The following CDH2 variants were observed in gnomAD, a reference collection of about 807,000 sequenced individuals.
The protein encoded by CDH2 is cadherin-2.
CDH2 carries 17 observed loss-of-function variants against 92.0 expected under a neutral mutation model. The ratio of observed to expected loss-of-function variants is 0.18; its 90% CI spans 0.13 to 0.28. CDH2 has a LOEUF of 0.28. Among genes scored for constraint, CDH2 ranks in the 10% least tolerant of loss-of-function variants. CDH2 has a pLI of 1.00. For missense variants in CDH2, 862 were observed against 1,133.1 expected, an observed-to-expected ratio of 0.76 and a Z score of 3.44; for synonymous variants, 419 against 415.9, an observed-to-expected ratio of 1.01 and a Z score of -0.09.
intron 15 of CDH2, 109 bp downstream of exon 15, chr18:27,963,248 T>A (rs954661950): frequency 1.3e-5 from 11 of 876,780 alleles, no homozygotes; most frequent in Non-Finnish European, 1.8e-5. Flanking sequence ...AACACAAGTA[T>A]GTTTTAGTGA....
intron 1 of CDH2, among the ~76,000 whole-genome samples, chr18:28,171,985 T>A (rs560730290): frequency 4.6e-5 from 7 of 152,232 alleles, no homozygotes; most frequent in African/African-American, 1.7e-4. Flanking sequence ...CATAAAGTAA[T>A]CAATCAATTA....
intron 2 of CDH2, among the ~76,000 whole-genome samples, chr18:28,025,451 G>C (rs2013525252): frequency 6.6e-6 from 1 of 151,436 alleles, no homozygotes; most frequent in African/African-American, 2.4e-5. Flanking sequence ...CTGGGAGGTG[G>C]AGGTTGCAGT....
chr18:28,147,588 T>A, intron 2 of CDH2, 85 bp downstream of exon 2: 1 of 776,504 alleles, frequency 1.3e-6, no homozygotes, highest in South Asian at 1.7e-5. Flanking sequence ...TGTTATACAG[T>A]AGAAATGATT....
In CDH2 at chr18:27,951,104, A is replaced by T. The variant is rs4800836; in HGVS notation, c.*1049T>A. Reference sequence around the variant, plus strand: ...GCTTTTTTTTTTCCATTTTTTTTTTAAAAAAACACACACTTAGTAGTGCCA... The same window carrying T: ...GCTTTTTTTTTTCCATTTTTTTTTTTAAAAAACACACACTTAGTAGTGCCA... On this transcript the variant is annotated 3_prime_UTR_variant, in exon 16 of 16. Coordinates refer to ENST00000269141, the MANE Select transcript of CDH2 (RefSeq NM_001792.5). 10,950 of 149,320 alleles carry T rather than the reference A, an allele frequency of 0.073. 852 individuals carry two copies. The highest frequency in any genetic ancestry group is 0.4 in the East Asian group (2,031 of 5,032). 9.2% of individuals were successfully genotyped at this position (149,320 alleles called of 1,614,324 possible).
rs17522569 is a variant in CDH2 at position 28,016,048 on chromosome 18, A to C, written c.173-2139T>G. The stretch of plus-strand genomic sequence containing the variant: ...ACCAAAGCCCTAGGGCCAGGTCATC[A>C]CTTTGGGGGAAGAGTCGACCATGAT... On this transcript the variant is annotated intron_variant, in intron 2 of 15. Coordinates refer to ENST00000269141, the MANE Select transcript of CDH2 (RefSeq NM_001792.5). Among the ~76,000 whole-genome samples, 746 of 152,298 alleles carry C rather than the reference A, an allele frequency of 4.9e-3. 10 individuals are homozygous for C. Among genetic ancestry groups the C allele is most frequent in the African/African-American group, 0.017 (701 of 41,558 alleles).
intron 2 of CDH2, among the ~76,000 whole-genome samples, chr18:28,074,739 A>G (rs1322446629): frequency 6.0e-5 from 9 of 151,182 alleles, no homozygotes; most frequent in Non-Finnish European, 4.4e-5. Flanking sequence ...TTTGTTGAAC[A>G]GCTTTCTCCA....
At chr18:28,031,305 T>G (rs969770879) in intron 2 of CDH2, among the ~76,000 whole-genome samples, 2 of 151,876 alleles carry the variant, frequency 1.3e-5, no homozygotes, top group Admixed American at 1.3e-4. Flanking sequence ...TTCTAACAGC[T>G]CCACTTCCAA....
At position 28,011,870 on chromosome 18, in the gene CDH2, T is replaced by TC; in HGVS notation, c.521dup (p.Pro175ThrfsTer12). On this transcript the variant is annotated frameshift_variant, in exon 4 of 16. Transcript: ENST00000269141. LOFTEE classifies it high-confidence loss of function. The stretch of plus-strand genomic sequence containing the variant: ...CCCTGACAAGCTCTTGAGGAAAAGG[T>TC]CCCCTGGAGTTTTCTGGCAAGTTGA... 1 of 1,614,058 alleles carries TC rather than the reference T, an allele frequency of 6.2e-7. No individual in the cohort carries two copies. Among genetic ancestry groups the TC allele is most frequent in the South Asian group, 1.1e-5 (1 of 91,076 alleles).
intron 7 of CDH2, among the ~76,000 whole-genome samples, chr18:27,997,264 A>G (rs1040964989): frequency 3.3e-5 from 5 of 152,242 alleles, no homozygotes; most frequent in Non-Finnish European, 7.3e-5. Flanking sequence ...AGGTGAGAAC[A>G]TTCAGTCATT....
chr18:28,171,864 A>G (rs1568026422), intron 1 of CDH2, among the ~76,000 whole-genome samples: 1 of 152,148 alleles, frequency 6.6e-6, no homozygotes, highest in South Asian at 2.1e-4. Context: ...ACGAAATCAG[A>G]ACCCCATGCT....
At chr18:28,088,053 G>A (rs1011805595) in intron 2 of CDH2, among the ~76,000 whole-genome samples, 6 of 152,100 alleles carry the variant, frequency 3.9e-5, no homozygotes, top group African/African-American at 1.4e-4. Flanking sequence ...TCAGTAACTA[G>A]GCTGCTTGGT....
intron 2 of CDH2, among the ~76,000 whole-genome samples, chr18:28,039,500 T>C (rs1409347994): frequency 6.6e-6 from 1 of 152,202 alleles, no homozygotes; most frequent in East Asian, 1.9e-4. Flanking sequence ...GAATTAATTA[T>C]GGCTCAGGGA....
chr18:28,138,229 TA>T (rs200611488), intron 2 of CDH2, among the ~76,000 whole-genome samples: 1 of 151,930 alleles, frequency 6.6e-6, no homozygotes, highest in South Asian at 2.1e-4. Flanking sequence ...GCTAGGACCT[TA>T]AAAAAAATCA....
intron 2 of CDH2, among the ~76,000 whole-genome samples, chr18:28,139,117 C>A (rs1011987064): frequency 2.6e-5 from 4 of 152,016 alleles, no homozygotes; most frequent in Non-Finnish European, 5.9e-5. Flanking sequence ...AGTTTTTAAC[C>A]ATTTTAGGAG....
At chr18:28,000,009 T>C (rs1315412491) in intron 7 of CDH2, among the ~76,000 whole-genome samples, 1 of 152,134 alleles carries the variant, frequency 6.6e-6, no homozygotes, top group Non-Finnish European at 1.5e-5. Context: ...GCCATGATTG[T>C]AGGCTTCCTG....
At chr18:28,034,760 T>C (rs191910519) in intron 2 of CDH2, among the ~76,000 whole-genome samples, 14 of 152,100 alleles carry the variant, frequency 9.2e-5, no homozygotes, top group Admixed American at 5.9e-4. Context: ...ACCAGTCACC[T>C]TTTTTTGCAT....
chr18:28,137,242 C>A (rs1004851415), intron 2 of CDH2, among the ~76,000 whole-genome samples: 2 of 152,098 alleles, frequency 1.3e-5, no homozygotes, highest in Non-Finnish European at 2.9e-5. Flanking sequence ...GAGACTGGCC[C>A]TGGTGTAAAG....
chr18:28,131,397 T>G lies in CDH2; in HGVS notation c.172+16276A>C, dbSNP rs2015767453. Among the ~76,000 whole-genome samples the G allele has an allele frequency of 2.0e-5, 3 of 152,192 alleles. No homozygotes were observed. The South Asian group carries it at 6.2e-4, about 31-fold the overall frequency. On this transcript the variant is annotated intron_variant, in intron 2 of 15. Coordinates refer to ENST00000269141, the MANE Select transcript of CDH2 (RefSeq NM_001792.5). ...GAGTAAAGAGGTAGCGAGATCTCAGTGCAAGCTCATCATGGGTTTTAATTG... is the reference window on the plus strand; with the variant it reads ...GAGTAAAGAGGTAGCGAGATCTCAGGGCAAGCTCATCATGGGTTTTAATTG...
At chr18:28,165,297 C>G (rs1408869577) in intron 1 of CDH2, among the ~76,000 whole-genome samples, 1 of 152,152 alleles carries the variant, frequency 6.6e-6, no homozygotes, top group Admixed American at 6.5e-5. Flanking sequence ...ATCCTCCTGC[C>G]TCAGCCTCTG....
Sources: gnomAD v4.1 joint callset for allele counts (sites outside exome capture counted in the v4.1 genomes callset) on GRCh38, gnomAD v4.1.1 for gene constraint, MANE v1.5 for transcripts, NCBI Gene and HGNC (gene_info 2026-07-23, HGNC 2026-07-21) for gene names.